The following CYP2C18 variants were observed in gnomAD, a reference collection of about 807,000 sequenced individuals.
The protein encoded by CYP2C18 is cytochrome P450 2C18.
Under a neutral mutation model 41.3 loss-of-function variants are expected in CYP2C18, and 38 were observed. That is an observed-to-expected ratio of 0.92 (90% CI 0.71 to 1.21). The LOEUF (loss-of-function observed/expected upper bound fraction) is 1.21. CYP2C18 is among the 50% of genes most tolerant of loss of function. The pLI is 0.00. For missense variants in CYP2C18, 635 were observed against 591.4 expected (o/e 1.07, Z -0.77); for synonymous variants, 236 against 210.0 (o/e 1.12, Z -1.07).
chr10:94,693,022 G>T (rs1847038297), intron 3 of CYP2C18, among the ~76,000 whole-genome samples: 1 of 152,076 alleles, frequency 6.6e-6, no homozygotes. Flanking sequence ...GTGGGGTGGG[G>T]GAAGGGGGGA....
chr10:94,691,158 G>A (rs1420101101), intron 3 of CYP2C18, among the ~76,000 whole-genome samples: 5 of 152,218 alleles, frequency 3.3e-5, no homozygotes, highest in East Asian at 3.9e-4. Context: ...ACATAGTGTC[G>A]GAAGTTCTGG....
At chr10:94,684,959 A>T (rs2134172207) in intron 1 of CYP2C18, among the ~76,000 whole-genome samples, 1 of 152,182 alleles carries the variant, frequency 6.6e-6, no homozygotes, top group African/African-American at 2.4e-5. Flanking sequence ...TTGAGTATTT[A>T]AAAAATATAT....
At chr10:94,725,951 T>A (rs1847732760) in intron 7 of CYP2C18, among the ~76,000 whole-genome samples, 1 of 152,134 alleles carries the variant, frequency 6.6e-6, no homozygotes, top group South Asian at 2.1e-4. Context: ...TGTTCTGTAT[T>A]GTGGTTGTTT....
chr10:94,726,660 A>T (rs1171538118), intron 7 of CYP2C18, among the ~76,000 whole-genome samples: 2 of 152,114 alleles, frequency 1.3e-5, no homozygotes, highest in Admixed American at 1.3e-4. Context: ...TACGAAACAC[A>T]GTCAAAAATT....
chr10:94,719,300 G>T (rs1050939810), intron 5 of CYP2C18, among the ~76,000 whole-genome samples: 9 of 151,994 alleles, frequency 5.9e-5, no homozygotes, highest in South Asian at 2.1e-4. Flanking sequence ...TCACATACAG[G>T]GTGTCATGTT....
At position 94,735,493 on chromosome 10, in the gene CYP2C18, C is replaced by T; in HGVS notation, c.*49C>T. The stretch of plus-strand genomic sequence containing the variant: ...TCCTGTGCTGTCACCTGCAATTCTC[C>T]CTTATCAGGGCCATTGGCCTCTCCC... On this transcript the variant is annotated 3_prime_UTR_variant, in exon 9 of 9. Transcript: ENST00000285979. 6.3e-7 allele frequency: 1 copy of T among 1,586,096 alleles called. No homozygotes were observed. The highest frequency in any genetic ancestry group is 8.7e-7 in the Non-Finnish European group (1 of 1,155,642).
chr10:94,687,958 G>A (rs201140921), intron 2 of CYP2C18, 26 bp downstream of exon 2: 6 of 1,609,806 alleles, frequency 3.7e-6, no homozygotes, highest in Non-Finnish European at 5.1e-6. Context: ...TCGTGTGTAT[G>A]TGTACATGTG....
intron 6 of CYP2C18, among the ~76,000 whole-genome samples, chr10:94,721,478 G>C (rs1845380195): frequency 1.3e-5 from 2 of 151,858 alleles, no homozygotes; most frequent in South Asian, 4.1e-4. Flanking sequence ...TATTTTTATA[G>C]ACTTAGGGGT....
At chr10:94,691,737 C>G (rs953396876) in intron 3 of CYP2C18, among the ~76,000 whole-genome samples, 1 of 152,172 alleles carries the variant, frequency 6.6e-6, no homozygotes, top group Non-Finnish European at 1.5e-5. Flanking sequence ...GCCAAAAGAA[C>G]AAAGCTGGAG....
intron 4 of CYP2C18, among the ~76,000 whole-genome samples, chr10:94,697,525 CAT>C (rs964367967): frequency 5.9e-5 from 9 of 152,334 alleles, no homozygotes; most frequent in African/African-American, 2.2e-4. Context: ...ACTGCAAAAA[CAT>C]ACCAAATTGT....
rs185935690 is a variant in CYP2C18 at position 94,732,455 on chromosome 10, G to T, written c.1150-842G>T. Among the ~76,000 whole-genome samples, 17 of 152,126 alleles carry T rather than the reference G, an allele frequency of 1.1e-4. No homozygotes were observed. In the East Asian group the frequency reaches 3.3e-3, roughly 29 times the overall value. On this transcript the variant is annotated intron_variant, in intron 7 of 8. Transcript: ENST00000285979. ...TAAAAGAGAACTACAATTTGATCCA[G>T]CAATCCCATTACTGGATATATTTCC...
At chr10:94,692,914 C>G (rs114373849) in intron 3 of CYP2C18, among the ~76,000 whole-genome samples, 1 of 151,928 alleles carries the variant, frequency 6.6e-6, no homozygotes, top group African/African-American at 2.4e-5. Flanking sequence ...AGCAAACTAT[C>G]GCAAGACCAA....
At chr10:94,704,862 G>C (rs1847309245) in intron 4 of CYP2C18, among the ~76,000 whole-genome samples, 1 of 152,154 alleles carries the variant, frequency 6.6e-6, no homozygotes, top group African/African-American at 2.4e-5. Context: ...GCCCTAGGTA[G>C]CTTTGGGTTG....
intron 4 of CYP2C18, among the ~76,000 whole-genome samples, chr10:94,705,328 A>T (rs1327400177): frequency 6.6e-6 from 1 of 152,260 alleles, no homozygotes; most frequent in Non-Finnish European, 1.5e-5. Flanking sequence ...ACATGGACCC[A>T]GGGAGGGGAA....
chr10:94,690,353 T>C (rs528996943), intron 3 of CYP2C18, among the ~76,000 whole-genome samples: 3 of 152,274 alleles, frequency 2.0e-5, no homozygotes, highest in Non-Finnish European at 4.4e-5. Flanking sequence ...GTGTTCCCAT[T>C]CAAATCTAAT....
intron 5 of CYP2C18, among the ~76,000 whole-genome samples, chr10:94,719,840 C>T (rs1458679254): frequency 3.9e-5 from 6 of 151,928 alleles, no homozygotes; most frequent in Middle Eastern, 3.4e-3. Flanking sequence ...TCCCAAAGTG[C>T]TGGGATTACA....
At chr10:94,700,755 A>G (rs1402364824) in intron 4 of CYP2C18, among the ~76,000 whole-genome samples, 1 of 152,214 alleles carries the variant, frequency 6.6e-6, no homozygotes, top group African/African-American at 2.4e-5. Context: ...AGAATCTACA[A>G]TGAACTCAAA....
intron 1 of CYP2C18, among the ~76,000 whole-genome samples, chr10:94,687,114 A>C (rs919707821): frequency 6.6e-6 from 1 of 152,182 alleles, no homozygotes; most frequent in Non-Finnish European, 1.5e-5. Context: ...TCTGTGACCT[A>C]TGAGTGTATA....
At chr10:94,691,861 G>A (rs928920885) in intron 3 of CYP2C18, among the ~76,000 whole-genome samples, 5 of 152,028 alleles carry the variant, frequency 3.3e-5, no homozygotes, top group Non-Finnish European at 7.4e-5. Flanking sequence ...GCCCTCAGAA[G>A]TAATGCTGCA....
Sources: gnomAD v4.1 joint callset for allele counts (sites outside exome capture counted in the v4.1 genomes callset) on GRCh38, gnomAD v4.1.1 for gene constraint, MANE v1.5 for transcripts, NCBI Gene and HGNC (gene_info 2026-07-23, HGNC 2026-07-21) for gene names.